The following PDE10A variants were observed in gnomAD, a reference collection of about 807,000 sequenced individuals.
PDE10A encodes cAMP and cAMP-inhibited cGMP 3',5'-cyclic phosphodiesterase 10A.
In PDE10A, 39 loss-of-function variants were observed where a neutral mutation model predicts 97.7. That is an observed-to-expected ratio of 0.40 (90% CI 0.31 to 0.52). PDE10A has a LOEUF of 0.52. PDE10A is among the 20% of genes least tolerant of loss of function. The pLI is 0.56. For missense variants in PDE10A, 731 were observed against 1,047.8 expected, an observed-to-expected ratio of 0.70 and a Z score of 4.17; for synonymous variants, 371 against 376.8, an observed-to-expected ratio of 0.98 and a Z score of 0.18.
At chr6:165,855,315 G>C (rs1034944168) in intron 1 of PDE10A, among the ~76,000 whole-genome samples, 12 of 150,966 alleles carry the variant, frequency 7.9e-5, no homozygotes, top group African/African-American at 1.2e-4. Flanking sequence ...CGGGGGGGGG[G>C]GGGGACTCAG....
At chr6:165,581,267 T>TC (rs894487423) in intron 1 of PDE10A, among the ~76,000 whole-genome samples, 1 of 152,042 alleles carries the variant, frequency 6.6e-6, no homozygotes, top group Non-Finnish European at 1.5e-5. Flanking sequence ...ACAGAATGTG[T>TC]CCCCCCAAAA....
At chr6:165,639,220 T>C (rs918840311) in intron 1 of PDE10A, among the ~76,000 whole-genome samples, 2 of 152,136 alleles carry the variant, frequency 1.3e-5, no homozygotes, top group Non-Finnish European at 1.5e-5. Flanking sequence ...CCACAACCAA[T>C]GTATGGAGGA....
At chr6:165,797,808 C>T (rs1291387463) in intron 1 of PDE10A, among the ~76,000 whole-genome samples, 1 of 152,178 alleles carries the variant, frequency 6.6e-6, no homozygotes, top group Admixed American at 6.5e-5. Context: ...CTTACACATA[C>T]ACAGCAAATG....
chr6:165,825,299 G>A (rs1163126992), intron 1 of PDE10A, among the ~76,000 whole-genome samples: 1 of 152,134 alleles, frequency 6.6e-6, no homozygotes, highest in Non-Finnish European at 1.5e-5. Flanking sequence ...GGAAGCCGAG[G>A]CCTGTGGTGG....
chr6:165,977,380 G>A (rs1260050366), intron 1 of PDE10A, among the ~76,000 whole-genome samples: 1 of 152,140 alleles, frequency 6.6e-6, no homozygotes, highest in Non-Finnish European at 1.5e-5. Flanking sequence ...ACCTCAGGAC[G>A]GTATAACTTG....
chr6:165,659,222 A>C (rs1474477831), intron 1 of PDE10A, among the ~76,000 whole-genome samples: 1 of 152,204 alleles, frequency 6.6e-6, no homozygotes, highest in Non-Finnish European at 1.5e-5. Flanking sequence ...CAGTAACTGG[A>C]CAAAACAGCC....
chr6:165,914,885 A>G (rs1214452226), intron 1 of PDE10A, among the ~76,000 whole-genome samples: 1 of 152,182 alleles, frequency 6.6e-6, no homozygotes, highest in Non-Finnish European at 1.5e-5. Context: ...ATTATCTCCC[A>G]ATTCCTCTCA....
At chr6:165,865,385 T>C (rs1054594654) in intron 1 of PDE10A, among the ~76,000 whole-genome samples, 3 of 151,722 alleles carry the variant, frequency 2.0e-5, no homozygotes, top group East Asian at 3.9e-4. Flanking sequence ...ATGAGAAACA[T>C]GAAAAGCAAG....
At chr6:165,544,710 A>G (rs16897974) in intron 1 of PDE10A, among the ~76,000 whole-genome samples, 15,225 of 152,094 alleles carry the variant, frequency 0.1, 1,161 homozygotes, top group African/African-American at 0.22. Flanking sequence ...TGTGTTAATT[A>G]ATTCTGCTGG....
intron 12 of PDE10A, among the ~76,000 whole-genome samples, chr6:165,415,165 A>G (rs995112144): frequency 1.3e-5 from 2 of 152,218 alleles, no homozygotes; most frequent in Non-Finnish European, 2.9e-5. Context: ...TAAAGATTGG[A>G]CATAAGGATG....
chr6:165,660,389 G>C (rs1790182526), intron 1 of PDE10A: 1 of 152,716 alleles, frequency 6.5e-6, no homozygotes, highest in African/African-American at 2.4e-5. Flanking sequence ...AGGGGTCAGA[G>C]GACTTCGGGA....
At chr6:165,733,822 C>G (rs1208514073) in intron 1 of PDE10A, among the ~76,000 whole-genome samples, 3 of 152,034 alleles carry the variant, frequency 2.0e-5, no homozygotes, top group African/African-American at 4.8e-5. Flanking sequence ...AAAGCTCTAT[C>G]TATAAAGTTA....
chr6:165,574,522 A>T (rs1785207664), intron 1 of PDE10A, among the ~76,000 whole-genome samples: 1 of 152,226 alleles, frequency 6.6e-6, no homozygotes, highest in African/African-American at 2.4e-5. Context: ...CCTCAAAATT[A>T]ATTTTCAAAA....
exon 1 of PDE10A, chr6:165,987,711 G>C (rs781244678): frequency 4.8e-5 from 22 of 456,658 alleles, no homozygotes. Context: ...GGCCAAGTTC[G>C]GGACCTGTCC....
At chr6:165,509,743 A>C (rs994944119) in intron 2 of PDE10A, among the ~76,000 whole-genome samples, 2 of 151,536 alleles carry the variant, frequency 1.3e-5, no homozygotes, top group African/African-American at 4.8e-5. Context: ...TATCCTTTTC[A>C]ATTTCTTTCT....
intron 3 of PDE10A, among the ~76,000 whole-genome samples, chr6:165,453,225 T>A (rs1257527905): frequency 6.6e-6 from 1 of 151,894 alleles, no homozygotes; most frequent in African/African-American, 2.4e-5. Context: ...AAGATGTGAG[T>A]AGAGAGAAAT....
At chr6:165,408,460 C>T (rs1038472060) in intron 13 of PDE10A, among the ~76,000 whole-genome samples, 2 of 152,010 alleles carry the variant, frequency 1.3e-5, no homozygotes, top group Non-Finnish European at 2.9e-5. Context: ...CTCGGTGCCA[C>T]AGTGATGACC....
chr6:165,406,159 A>G (rs1787131993), intron 13 of PDE10A, among the ~76,000 whole-genome samples: 1 of 145,720 alleles, frequency 6.9e-6, no homozygotes, highest in Non-Finnish European at 1.5e-5. Context: ...TAACCCCAAA[A>G]ATAATTCAGT....
In PDE10A at chr6:165,856,464, G is replaced by A. The variant is rs1159686664; in HGVS notation, c.-615+131065C>T. On this transcript the variant is annotated intron_variant, in intron 1 of 19. Transcript: ENST00000366882. The stretch of plus-strand genomic sequence containing the variant: ...AGAATGAAGCTTTACACTTGGCCTG[G>A]AATTCCTGTCTGTGTGACTTTTTGA... 7.2e-5 allele frequency among the ~76,000 whole-genome samples: 11 copies of A among 152,146 alleles called. 1 individual carries two copies. The highest frequency in any genetic ancestry group is 5.2e-4 in the Admixed American group (8 of 15,278).
Sources: gnomAD v4.1 joint callset for allele counts (sites outside exome capture counted in the v4.1 genomes callset) on GRCh38, gnomAD v4.1.1 for gene constraint, MANE v1.5 for transcripts, NCBI Gene and HGNC (gene_info 2026-07-23, HGNC 2026-07-21) for gene names.